The following FAM168A variants were observed in gnomAD, a reference collection of about 807,000 sequenced individuals.
FAM168A encodes the protein family with sequence similarity 168 member A.
In FAM168A, 3 loss-of-function variants were observed where a neutral mutation model predicts 28.5. The ratio of observed to expected loss-of-function variants is 0.11; its 90% CI spans 0.05 to 0.27. FAM168A has a LOEUF of 0.27. FAM168A is among the 10% of genes least tolerant of loss of function. FAM168A has a pLI of 1.00. For synonymous variants in FAM168A, 122 were observed against 124.2 expected, an observed-to-expected ratio of 0.98 and a Z score of 0.12; for missense variants, 222 against 311.5, an observed-to-expected ratio of 0.71 and a Z score of 2.16.
chr11:73,595,492 T>C (rs193285960), intron 1 of FAM168A, among the ~76,000 whole-genome samples: 2 of 152,346 alleles, frequency 1.3e-5, no homozygotes, highest in East Asian at 1.9e-4. Flanking sequence ...TTTTATCTTC[T>C]TTACATCCCT....
At chr11:73,553,518 G>C (rs1943852443) in intron 1 of FAM168A, among the ~76,000 whole-genome samples, 1 of 152,150 alleles carries the variant, frequency 6.6e-6, no homozygotes, top group Non-Finnish European at 1.5e-5. Flanking sequence ...GACACTGAGA[G>C]GATCAAATAT....
chr11:73,457,074 T>A (rs548688642), intron 2 of FAM168A, among the ~76,000 whole-genome samples: 3 of 152,272 alleles, frequency 2.0e-5, no homozygotes, highest in Admixed American at 6.5e-5. Context: ...ATATGAAATA[T>A]CTAGAATAGG....
chr11:73,555,895 A>T (rs1427183517), intron 1 of FAM168A, among the ~76,000 whole-genome samples: 1 of 152,162 alleles, frequency 6.6e-6, no homozygotes, highest in Non-Finnish European at 1.5e-5. Context: ...GTTCACTGCC[A>T]GGCTTCTAAT....
At chr11:73,588,086 G>A (rs989653991) in intron 1 of FAM168A, among the ~76,000 whole-genome samples, 2 of 152,008 alleles carry the variant, frequency 1.3e-5, no homozygotes, top group Non-Finnish European at 2.9e-5. Context: ...TAAGGTACAA[G>A]AATTGTCTCA....
rs536120806 is a variant in FAM168A at position 73,510,100 on chromosome 11, C to T, written c.-18-41608G>A. Among the ~76,000 whole-genome samples, 12 of 152,266 alleles carry T rather than the reference C, an allele frequency of 7.9e-5. No individual in the cohort carries two copies. The East Asian group carries it at 1.2e-3, about 15-fold the overall frequency. On this transcript the variant is annotated intron_variant, in intron 1 of 7. Transcript: ENST00000356467. ...TCTCCCCCATGAAAATCATACCAAT[C>T]CACTCATAGTGTACTAGAAAGAAGA...
rs142634457 is a variant in FAM168A, at chr11:73,518,581, T to A, written c.-18-50089A>T. Reference sequence around the variant, plus strand: ...GTGGGGGAAAAGTTCTTGCTCTGTTTGTTCCCTCCAGTGCTGGCTCTTAAA... The same window carrying A: ...GTGGGGGAAAAGTTCTTGCTCTGTTAGTTCCCTCCAGTGCTGGCTCTTAAA... On this transcript the variant is annotated intron_variant, in intron 1 of 7. Coordinates refer to ENST00000356467, the MANE Select transcript of FAM168A (RefSeq NM_015159.3). 8.9e-3 allele frequency among the ~76,000 whole-genome samples: 1,354 copies of A among 151,980 alleles called. 21 individuals carry two copies. Among genetic ancestry groups the A allele is most frequent in the African/African-American group, 0.031 (1,267 of 41,456 alleles).
rs1369541520 is a variant in FAM168A, at chr11:73,579,871, C to T, written c.-19+18052G>A. 2.0e-5 allele frequency among the ~76,000 whole-genome samples: 3 copies of T among 152,184 alleles called. No homozygotes were observed. In the East Asian group the frequency reaches 5.8e-4, roughly 29 times the overall value. On this transcript the variant is annotated intron_variant, in intron 1 of 7. Coordinates refer to ENST00000356467, the MANE Select transcript of FAM168A (RefSeq NM_015159.3). ...AGGCTCTTTCTAGTTCAGCTGGTTG[C>T]TATCCAAGCCACTCAGAAGCAAACT...
At chr11:73,419,341 C>T (rs1401886034) in intron 4 of FAM168A, among the ~76,000 whole-genome samples, 2 of 152,176 alleles carry the variant, frequency 1.3e-5, no homozygotes, top group African/African-American at 4.8e-5. Flanking sequence ...GGCAATTTTG[C>T]CCCATAAGGG....
In FAM168A at chr11:73,404,832, C is replaced by G. The variant is rs920119134; in HGVS notation, c.*1931G>C. 6.6e-6 allele frequency: 1 copy of G among 152,242 alleles called. No homozygotes were observed. Among genetic ancestry groups the G allele is most frequent in the Non-Finnish European group, 1.5e-5 (1 of 68,042 alleles). 9.4% of individuals were successfully genotyped at this position (152,242 alleles called of 1,614,324 possible). ...TGGGAGGTTGGGGTAAGGATATGTC[C>G]AAGTTTGCATGAATTTTAAATGAAA... On this transcript the variant is annotated 3_prime_UTR_variant, in exon 8 of 8. Transcript: ENST00000356467.
Position 73,404,189 on chromosome 11 carries a change from C to T in FAM168A, c.*2574G>A, listed in dbSNP as rs1272476998. On this transcript the variant is annotated 3_prime_UTR_variant, in exon 8 of 8. Coordinates refer to ENST00000356467, the MANE Select transcript of FAM168A (RefSeq NM_015159.3). ...AAAGAACAAAAGTTACAAGGTCATT[C>T]CTAGGTCTCCTCTTCTTCCTTTCTC... The T allele has an allele frequency of 6.6e-6, 1 of 152,248 alleles. No homozygotes were observed. The highest frequency in any genetic ancestry group is 1.5e-5 in the Non-Finnish European group (1 of 68,056). The allele number at this position is 152,248 out of a possible 1,614,324, so 9.4% of individuals were successfully genotyped here.
At chr11:73,460,212 G>GA (rs200391052) in intron 2 of FAM168A, among the ~76,000 whole-genome samples, 2,669 of 152,020 alleles carry the variant, frequency 0.018, 61 homozygotes, top group African/African-American at 0.054. Context: ...CTACAAAGCA[G>GA]AAAAAAATCT....
intron 1 of FAM168A, among the ~76,000 whole-genome samples, chr11:73,545,236 G>C: frequency 6.7e-6 from 1 of 150,164 alleles, no homozygotes; most frequent in African/African-American, 2.5e-5. Context: ...ATGTTGGCCA[G>C]GCTGGTCTCT....
intron 2 of FAM168A, among the ~76,000 whole-genome samples, chr11:73,432,092 A>G (rs7105000): frequency 0.062 from 9,454 of 152,246 alleles, 868 homozygotes; most frequent in African/African-American, 0.2. Flanking sequence ...CCATGTTGTA[A>G]CATGTACCAA....
chr11:73,525,635 C>T (rs1943438003), intron 1 of FAM168A, among the ~76,000 whole-genome samples: 1 of 152,188 alleles, frequency 6.6e-6, no homozygotes, highest in Admixed American at 6.5e-5. Context: ...CATTTGAGAA[C>T]CTCTAATACC....
At chr11:73,516,568 G>C (rs1035922463) in intron 1 of FAM168A, among the ~76,000 whole-genome samples, 5 of 152,220 alleles carry the variant, frequency 3.3e-5, no homozygotes, top group Non-Finnish European at 7.4e-5. Flanking sequence ...TTCAAACTAA[G>C]CCCAATTAAA....
intron 1 of FAM168A, among the ~76,000 whole-genome samples, chr11:73,587,085 A>G (rs1590754122): frequency 6.8e-6 from 1 of 147,920 alleles, no homozygotes; most frequent in African/African-American, 2.6e-5. Flanking sequence ...AAAATACGTC[A>G]TTTTATACTG....
chr11:73,569,689 AT>A (rs1565302495), intron 1 of FAM168A, among the ~76,000 whole-genome samples: 1 of 151,866 alleles, frequency 6.6e-6, no homozygotes, highest in Non-Finnish European at 1.5e-5. Flanking sequence ...GGGCGTGGTG[AT>A]GCGCACCTGT....
chr11:73,554,229 A>G (rs1220008260), intron 1 of FAM168A, among the ~76,000 whole-genome samples: 1 of 151,826 alleles, frequency 6.6e-6, no homozygotes, highest in Admixed American at 6.6e-5. Context: ...AAAATTTTAA[A>G]TTAGCTGGGC....
chr11:73,504,389 C>A (rs1031186129), intron 1 of FAM168A, among the ~76,000 whole-genome samples: 1 of 151,900 alleles, frequency 6.6e-6, no homozygotes, highest in Admixed American at 6.6e-5. Flanking sequence ...ACGTGGCCAA[C>A]AAACATGAAA....
Sources: allele counts gnomAD v4.1 joint callset (sites outside exome capture counted in the v4.1 genomes callset), GRCh38; gene constraint gnomAD v4.1.1; transcripts MANE v1.5; gene names NCBI Gene and HGNC (gene_info 2026-07-23, HGNC 2026-07-21).